Variants in DNAAF9 observed in about 807,000 individuals in gnomAD.
The protein encoded by DNAAF9 is shulin.
Under a neutral mutation model 167.0 loss-of-function variants are expected in DNAAF9, and 90 were observed. That is an observed-to-expected ratio of 0.54 (90% CI 0.45 to 0.64). The LOEUF is 0.64. Among genes scored for constraint, DNAAF9 ranks in the 30% least tolerant of loss-of-function variants. The pLI is 0.00. For synonymous variants in DNAAF9, 491 were observed against 508.8 expected (o/e 0.96, Z 0.47); for missense variants, 1,315 against 1,442.2 (o/e 0.91, Z 1.43).
At chr20:3,308,563 C>T (rs554099031) in intron 20 of DNAAF9, among the ~76,000 whole-genome samples, 1 of 151,970 alleles carries the variant, frequency 6.6e-6, no homozygotes, top group East Asian at 2.0e-4. Flanking sequence ...AGGCTAGTCT[C>T]GAACTCCTGA....
rs1020262359 is a variant in DNAAF9 at position 3,304,300 on chromosome 20, C to T, written c.1782+140G>A. On this transcript the variant is annotated intron_variant, in intron 21 of 36. Coordinates refer to ENST00000252032, the MANE Select transcript of DNAAF9 (RefSeq NM_001009984.3). ...CCCAGGCCTCTCCACGACCTCCCTC[C>T]CTGCCTGCCTCAGTGGCTGTGCTGG... 6.0e-5 allele frequency: 40 copies of T among 669,524 alleles called. 2 individuals are homozygous for T. Among genetic ancestry groups the T allele is most frequent in the African/African-American group, 4.6e-4 (25 of 54,598 alleles). The allele number at this position is 669,524 out of a possible 1,614,324, so 41.5% of individuals were successfully genotyped here.
chr20:3,340,343 C>A (rs1472768018), intron 10 of DNAAF9, among the ~76,000 whole-genome samples, 161 bp downstream of exon 10: 3 of 151,962 alleles, frequency 2.0e-5, no homozygotes, highest in Non-Finnish European at 4.4e-5. Context: ...AAAGTACAAA[C>A]AGTTTCTAAT....
chr20:3,294,240 C>T lies in DNAAF9; in HGVS notation c.2137G>A (p.Ala713Thr), dbSNP rs374809056. The change falls in exon 25 of 37, where the codon GCC becomes ACC. Residue 713 changes from alanine (A) to threonine (T), a missense_variant. By Grantham distance (58) the Ala-to-Thr change is moderately conservative. Around this residue, in one of 2 missense-constraint regions of DNAAF9, gnomAD observed 981 missense variants for 1,012.5 expected, o/e 0.97. Coordinates refer to ENST00000252032, the MANE Select transcript of DNAAF9 (RefSeq NM_001009984.3). ...PELDWFLQHF[A>T]ISSISQEPVM... is the part of the protein sequence containing the mutation. Reference sequence around the variant, plus strand: ...GGCTCCTGGCTAATGCTGCTGATGGCGAAATGCTGGAGAAACCTAAAAACA... The same window carrying T: ...GGCTCCTGGCTAATGCTGCTGATGGTGAAATGCTGGAGAAACCTAAAAACA... The T allele has an allele frequency of 4.5e-5, 73 of 1,609,834 alleles. No homozygotes were observed. In the East Asian group the frequency reaches 5.3e-4, roughly 12 times the overall value.
intron 1 of DNAAF9, among the ~76,000 whole-genome samples, chr20:3,384,667 CCT>C (rs2083709019): frequency 6.6e-6 from 1 of 151,654 alleles, no homozygotes; most frequent in Admixed American, 6.6e-5. Flanking sequence ...CACTACCACA[CCT>C]GGGAAAATTT....
chr20:3,255,775 C>G (rs2068269022), intron 34 of DNAAF9, among the ~76,000 whole-genome samples: 1 of 152,206 alleles, frequency 6.6e-6, no homozygotes, highest in South Asian at 2.1e-4. Flanking sequence ...GCACCCAAAC[C>G]TTGCAGAGAA....
At chr20:3,345,139 C>A (rs2070168938) in intron 8 of DNAAF9, among the ~76,000 whole-genome samples, 1 of 152,148 alleles carries the variant, frequency 6.6e-6, no homozygotes, top group Non-Finnish European at 1.5e-5. Flanking sequence ...CTGCCTTAGC[C>A]TCCCAAGTAG....
In DNAAF9 at chr20:3,310,288, A is replaced by G. The variant is rs975897250; in HGVS notation, c.1678+4745T>C. ...GAAAGAAAGAGAAAGAAAGGAAAGA[A>G]AGAAAAGAAAAAAGAAAAGGAAAGA... On this transcript the variant is annotated intron_variant, in intron 20 of 36. Transcript: ENST00000252032. Among the ~76,000 whole-genome samples the G allele has an allele frequency of 4.7e-5, 7 of 147,966 alleles. 1 individual carries two copies. In the Admixed American group the frequency reaches 4.7e-4, roughly 10 times the overall value.
chr20:3,324,741 G>A (rs987852397), intron 14 of DNAAF9, 151 bp downstream of exon 14: 1 of 615,416 alleles, frequency 1.6e-6, no homozygotes, highest in Admixed American at 2.9e-5. Flanking sequence ...TCTAAGTGAA[G>A]GCTGAATCAT....
chr20:3,350,990 T>C (rs2070311756), intron 7 of DNAAF9, among the ~76,000 whole-genome samples: 1 of 152,188 alleles, frequency 6.6e-6, no homozygotes, highest in Non-Finnish European at 1.5e-5. Context: ...ATCTAGGGAT[T>C]ACACATCCAT....
intron 7 of DNAAF9, among the ~76,000 whole-genome samples, chr20:3,349,208 A>AAAAAAC (rs1568620388): frequency 2.0e-5 from 3 of 149,984 alleles, no homozygotes; most frequent in African/African-American, 7.4e-5. Flanking sequence ...AAAAAACAAA[A>AAAAAAC]AAAAAAAAAA....
At chr20:3,381,839 C>T (rs2083658684) in intron 2 of DNAAF9, among the ~76,000 whole-genome samples, 1 of 152,166 alleles carries the variant, frequency 6.6e-6, no homozygotes, top group South Asian at 2.1e-4. Context: ...TACCAAAACA[C>T]TTGGGATCAA....
intron 10 of DNAAF9, 145 bp from the exon 11 acceptor site, chr20:3,332,506 T>G (rs572133139): frequency 8.0e-6 from 4 of 499,852 alleles, no homozygotes; most frequent in Non-Finnish European, 1.4e-5. Flanking sequence ...TAGGATGGAG[T>G]GCAGTGGCGC....
intron 8 of DNAAF9, among the ~76,000 whole-genome samples, chr20:3,346,230 C>T (rs2070190560): frequency 6.6e-6 from 1 of 152,140 alleles, no homozygotes; most frequent in East Asian, 1.9e-4. Flanking sequence ...ACTGGTACAA[C>T]CCTTCTGAAG....
At chr20:3,307,844 C>T (rs1240445905) in intron 20 of DNAAF9, among the ~76,000 whole-genome samples, 2 of 151,902 alleles carry the variant, frequency 1.3e-5, no homozygotes. Context: ...AAATAAAAAT[C>T]TTCCAACAGC....
In DNAAF9 at chr20:3,259,560, GGAA is replaced by G. The variant is rs1230317953; in HGVS notation, c.2981-9_2981-7del. 5.6e-6 allele frequency: 9 copies of G among 1,601,594 alleles called. No individual in the cohort carries two copies. Among genetic ancestry groups the G allele is most frequent in the East Asian group, 4.5e-5 (2 of 44,822 alleles). On this transcript the variant is annotated splice_polypyrimidine_tract_variant and splice_region_variant and intron_variant, in intron 32 of 36. Transcript: ENST00000252032. Reference sequence around the variant, plus strand: ...CTTGATGGAGGACTGAATTGCTGGTGGAAGAAGAGGACAGCGCTGTCACCCACA... The same window carrying G: ...CTTGATGGAGGACTGAATTGCTGGTGGAAGAGGACAGCGCTGTCACCCACA...
At position 3,308,343 on chromosome 20, in the gene DNAAF9, T is replaced by C. The variant is rs1361614915; in HGVS notation, c.1679-3800A>G. Among the ~76,000 whole-genome samples the C allele has an allele frequency of 3.9e-4, 11 of 28,136 alleles. No homozygotes were observed. The South Asian group carries it at 4.3e-3, about 11-fold the overall frequency. 18.5% of individuals were successfully genotyped at this position (28,136 alleles called of 152,430 possible). A position where few individuals can be genotyped will look rare whatever the true frequency, so the allele number is the denominator to read the frequency against. ...GCTCAGTGCTGTACAAAACTTTACT[T>C]TTTTTTTTTTTTTTTTTGAGATGGA... On this transcript the variant is annotated intron_variant, in intron 20 of 36. Transcript: ENST00000252032.
At chr20:3,394,942 CTTTTTTCTTTT>C (rs2083880410) in intron 1 of DNAAF9, among the ~76,000 whole-genome samples, 5 of 89,052 alleles carry the variant, frequency 5.6e-5, no homozygotes, top group Non-Finnish European at 4.7e-5. Context: ...TGAACATTTT[CTTTTTTCTTTT>C]TTTTTTTTTT....
intron 1 of DNAAF9, among the ~76,000 whole-genome samples, chr20:3,390,088 T>G (rs142987322): frequency 6.6e-6 from 1 of 151,830 alleles, no homozygotes; most frequent in Non-Finnish European, 1.5e-5. Context: ...CTGAGAAAAC[T>G]TGAATATGGA....
chr20:3,320,365 T>A (rs1189822077), intron 16 of DNAAF9, among the ~76,000 whole-genome samples: 1 of 152,218 alleles, frequency 6.6e-6, no homozygotes, highest in Non-Finnish European at 1.5e-5. Context: ...CATCTCTGGA[T>A]AAGAGGACAG....
Sources: allele counts gnomAD v4.1 joint callset (sites outside exome capture counted in the v4.1 genomes callset), GRCh38; gene constraint gnomAD v4.1.1; regional missense constraint gnomAD v4.1.1; transcripts MANE v1.5; gene names NCBI Gene and HGNC (gene_info 2026-07-23, HGNC 2026-07-21).